ADARB2: variants seen among roughly 807,000 people sequenced by gnomAD.
The protein encoded by ADARB2 is adenosine deaminase RNA specific B2 (inactive).
In ADARB2, 25 loss-of-function variants were observed where a neutral mutation model predicts 62.2. The observed-to-expected ratio is 0.40, with a 90% confidence interval of 0.29 to 0.56. The LOEUF (loss-of-function observed/expected upper bound fraction) is 0.56, where lower values mean the gene tolerates loss of function less well. ADARB2 is among the 20% of genes least tolerant of loss of function. The probability of loss-of-function intolerance (pLI) is 0.43; values close to 1 mark genes in which losing one functional copy is unlikely to be tolerated. For synonymous variants in ADARB2, 572 were observed against 500.8 expected (o/e 1.14, Z -1.90); for missense variants, 1,071 against 1,077.4 (o/e 0.99, Z 0.08).
chr10:1,415,725 G>A (rs11250500), intron 1 of ADARB2, among the ~76,000 whole-genome samples: 99,778 of 152,094 alleles, frequency 0.66, 35,242 homozygotes, highest in Middle Eastern at 0.82. Context: ...TTTACATTAA[G>A]GCTAAAACTA....
intron 1 of ADARB2, among the ~76,000 whole-genome samples, chr10:1,440,130 G>C (rs1377411782): frequency 2.0e-5 from 3 of 147,854 alleles, no homozygotes; most frequent in Non-Finnish European, 4.5e-5. Context: ...TGGGGCTCCT[G>C]AGTCTCCCCC....
intron 1 of ADARB2, among the ~76,000 whole-genome samples, chr10:1,418,510 A>G (rs1480457844): frequency 1.3e-5 from 2 of 152,236 alleles, no homozygotes; most frequent in Non-Finnish European, 2.9e-5. Flanking sequence ...ATGTCACTTA[A>G]CTAATTTCCT....
chr10:1,265,011 G>GA lies in ADARB2; in HGVS notation c.1192+5943dup, dbSNP rs1831180667. Among the ~76,000 whole-genome samples the GA allele has an allele frequency of 2.0e-5, 3 of 152,250 alleles. No individual in the cohort carries two copies. The South Asian group carries it at 6.2e-4, about 32-fold the overall frequency. ...CTTTTTTCTAGTTATTAATAAACTCGAAAAATAATTTCCCATAAAGAGGTA... is the reference window on the plus strand; with the variant it reads ...CTTTTTTCTAGTTATTAATAAACTCGAAAAAATAATTTCCCATAAAGAGGTA... On this transcript the variant is annotated intron_variant, in intron 4 of 9. Transcript: ENST00000381312.
chr10:1,720,105 G>C (rs80040064), intron 1 of ADARB2, among the ~76,000 whole-genome samples: 7 of 152,302 alleles, frequency 4.6e-5, no homozygotes, highest in African/African-American at 1.7e-4. Flanking sequence ...ATTCACAATA[G>C]CAAAGGCATG....
At chr10:1,594,905 A>C (rs1288075421) in intron 1 of ADARB2, among the ~76,000 whole-genome samples, 1 of 152,206 alleles carries the variant, frequency 6.6e-6, no homozygotes, top group Non-Finnish European at 1.5e-5. Flanking sequence ...GTGGGGTGCC[A>C]TCCACGCATC....
At chr10:1,484,469 G>C (rs1831517729) in intron 1 of ADARB2, among the ~76,000 whole-genome samples, 2 of 152,212 alleles carry the variant, frequency 1.3e-5, no homozygotes, top group African/African-American at 4.8e-5. Context: ...GTCCCTTCCT[G>C]TGGCTCCAAG....
At chr10:1,261,244 C>T (rs1168605377) in intron 4 of ADARB2, among the ~76,000 whole-genome samples, 1 of 150,052 alleles carries the variant, frequency 6.7e-6, no homozygotes, top group African/African-American at 2.5e-5. Flanking sequence ...TAGGCATGGG[C>T]AAGGACTTCA....
intron 8 of ADARB2, among the ~76,000 whole-genome samples, chr10:1,186,947 C>A (rs544704316): frequency 6.6e-6 from 1 of 152,334 alleles, no homozygotes; most frequent in South Asian, 2.1e-4. Context: ...CGGGGAAGAC[C>A]CACTGACTAC....
Position 1,242,173 on chromosome 10 carries a change from G to A in ADARB2, c.1319C>T (p.Ala440Val), listed in dbSNP as rs200709380. ...CTGCGTGTAGAGGAAGTGCAGGAAC[G>A]CCCGCCGGGCCACGACCTCCGCGTG... ...DCHAEVVARR[A>V]FLHFLYTQLE... Residue 440 changes from alanine (A) to valine (V), a missense_variant, in exon 5 of 10, where the codon GCG becomes GTG. Ala to Val is a moderately conservative substitution (Grantham distance 64). Coordinates refer to ENST00000381312, the MANE Select transcript of ADARB2 (RefSeq NM_018702.4). 1.0e-3 allele frequency: 1,664 copies of A among 1,610,282 alleles called. 20 individuals are homozygous for A. The highest frequency in any genetic ancestry group is 1.4e-4 in the Non-Finnish European group (168 of 1,179,526).
At chr10:1,602,690 GT>G in intron 1 of ADARB2, among the ~76,000 whole-genome samples, 1 of 22,842 alleles carries the variant, frequency 4.4e-5, no homozygotes, top group Non-Finnish European at 1.2e-4. Flanking sequence ...ACACACACCT[GT>G]ACATACACAC....
At chr10:1,632,458 T>G (rs1833855241) in intron 1 of ADARB2, among the ~76,000 whole-genome samples, 1 of 151,840 alleles carries the variant, frequency 6.6e-6, no homozygotes, top group Non-Finnish European at 1.5e-5. Context: ...ACACTACACA[T>G]GTGCACACAC....
chr10:1,220,563 C>T (rs1564225500), intron 6 of ADARB2, among the ~76,000 whole-genome samples: 1 of 152,180 alleles, frequency 6.6e-6, no homozygotes, highest in Admixed American at 6.5e-5. Context: ...CATGGAGGAG[C>T]CATCACACCT....
At chr10:1,210,552 TTCGCC>T (rs1769702785) in intron 7 of ADARB2, among the ~76,000 whole-genome samples, 1 of 152,240 alleles carries the variant, frequency 6.6e-6, no homozygotes, top group Non-Finnish European at 1.5e-5. Context: ...AGACACGTGC[TTCGCC>T]TCCATAAAGT....
chr10:1,197,190 A>T (rs1283828035), intron 8 of ADARB2, among the ~76,000 whole-genome samples: 1 of 152,234 alleles, frequency 6.6e-6, no homozygotes, highest in East Asian at 1.9e-4. Flanking sequence ...ACTCTTAATT[A>T]TCATTAATTT....
At chr10:1,669,591 A>G (rs1834355982) in intron 1 of ADARB2, among the ~76,000 whole-genome samples, 1 of 150,094 alleles carries the variant, frequency 6.7e-6, no homozygotes, top group East Asian at 2.0e-4. Context: ...CTCACTCACA[A>G]ACACAGACAC....
chr10:1,267,302 A>G (rs901606412), intron 4 of ADARB2, among the ~76,000 whole-genome samples: 28 of 152,238 alleles, frequency 1.8e-4, no homozygotes, highest in African/African-American at 3.1e-4. Context: ...CTGGGAATCT[A>G]TTGAGACGGA....
chr10:1,732,872 T>G (rs1396059431), intron 1 of ADARB2, among the ~76,000 whole-genome samples: 1 of 152,244 alleles, frequency 6.6e-6, no homozygotes, highest in Non-Finnish European at 1.5e-5. Flanking sequence ...CTTATTTTGT[T>G]CCTTTTGCCA....
At chr10:1,723,066 G>C (rs767992783) in intron 1 of ADARB2, among the ~76,000 whole-genome samples, 4 of 152,174 alleles carry the variant, frequency 2.6e-5, no homozygotes, top group Non-Finnish European at 5.9e-5. Flanking sequence ...TGTCACTAAG[G>C]TGTGAGCTGG....
chr10:1,251,852 A>G (rs1831040317), intron 4 of ADARB2, among the ~76,000 whole-genome samples: 1 of 152,286 alleles, frequency 6.6e-6, no homozygotes, highest in South Asian at 2.1e-4. Context: ...GTGAGGATAC[A>G]GTGTTCCTCC....
Sources: allele counts gnomAD v4.1 joint callset (sites outside exome capture counted in the v4.1 genomes callset), GRCh38; gene constraint gnomAD v4.1.1; transcripts MANE v1.5; gene names NCBI Gene and HGNC (gene_info 2026-07-23, HGNC 2026-07-21).